Variants in SPIDR observed in about 807,000 individuals in gnomAD.
SPIDR encodes DNA repair-scaffolding protein.
Under a neutral mutation model 104.6 loss-of-function variants are expected in SPIDR, and 93 were observed. The ratio of observed to expected loss-of-function variants is 0.89; its 90% CI spans 0.75 to 1.06. The LOEUF (loss-of-function observed/expected upper bound fraction) is 1.06. Among genes scored for constraint, SPIDR ranks in the 50% least tolerant of loss-of-function variants. The pLI is 0.00. For missense variants in SPIDR, 1,154 were observed against 1,111.2 expected (o/e 1.04, Z -0.55); for synonymous variants, 431 against 416.9 (o/e 1.03, Z -0.41).
chr8:47,479,797 T>G (rs2076691046), intron 8 of SPIDR, among the ~76,000 whole-genome samples: 1 of 152,236 alleles, frequency 6.6e-6, no homozygotes, highest in South Asian at 2.1e-4. Flanking sequence ...GAAGTAAGGC[T>G]TATCAGTTTT....
intron 8 of SPIDR, among the ~76,000 whole-genome samples, chr8:47,568,222 C>T (rs2058122550): frequency 6.6e-6 from 1 of 152,150 alleles, no homozygotes; most frequent in Non-Finnish European, 1.5e-5. Flanking sequence ...AACCATTCCT[C>T]ATCTCTTTGA....
intron 8 of SPIDR, among the ~76,000 whole-genome samples, chr8:47,490,498 A>G (rs1441580521): frequency 6.6e-5 from 10 of 152,220 alleles, no homozygotes; most frequent in Admixed American, 1.3e-4. Flanking sequence ...ATTACTGGGT[A>G]TATACCGAAA....
intron 8 of SPIDR, chr8:47,511,278 G>A (rs12544329): frequency 0.56 from 839,044 of 1,496,248 alleles, 248,605 homozygotes; most frequent in East Asian, 0.66. Flanking sequence ...CTGATTCGAC[G>A]ATTAAGATGG....
At chr8:47,590,073 C>T (rs1412916770) in intron 8 of SPIDR, among the ~76,000 whole-genome samples, 1 of 151,464 alleles carries the variant, frequency 6.6e-6, no homozygotes, top group East Asian at 1.9e-4. Flanking sequence ...ACTCAGGAGG[C>T]TGAGGCAGGA....
intron 5 of SPIDR, among the ~76,000 whole-genome samples, chr8:47,304,715 T>C (rs1554580492): frequency 2.6e-5 from 4 of 152,192 alleles, no homozygotes; most frequent in Non-Finnish European, 4.4e-5. Flanking sequence ...CCTGCAGAAC[T>C]GTGAGCCAGT....
rs577389377 is a variant in SPIDR at position 47,359,415 on chromosome 8, G to C, written c.526-36961G>C. Among the ~76,000 whole-genome samples, 3 of 152,252 alleles carry C rather than the reference G, an allele frequency of 2.0e-5. No individual in the cohort carries two copies. In the East Asian group the frequency reaches 5.8e-4, roughly 29 times the overall value. On this transcript the variant is annotated intron_variant, in intron 5 of 19. Transcript: ENST00000297423. ...TGTTTAGGAGTCCTGGGTCCCCTTTGTGTGTCAGAGCATGCAAAGGAACCT... is the reference window on the plus strand; with the variant it reads ...TGTTTAGGAGTCCTGGGTCCCCTTTCTGTGTCAGAGCATGCAAAGGAACCT...
chr8:47,452,300 G>A (rs1223457719), intron 8 of SPIDR, among the ~76,000 whole-genome samples: 1 of 151,938 alleles, frequency 6.6e-6, no homozygotes, highest in Non-Finnish European at 1.5e-5. Flanking sequence ...AAACTATGGG[G>A]GCCAGAAAGC....
chr8:47,466,934 TAG>T (rs1364540888), intron 8 of SPIDR, among the ~76,000 whole-genome samples: 1 of 138,294 alleles, frequency 7.2e-6, no homozygotes, highest in African/African-American at 2.7e-5. Flanking sequence ...GATAGATAGA[TAG>T]ATAGATAGAT....
At chr8:47,702,467 T>C (rs912636436) in intron 14 of SPIDR, among the ~76,000 whole-genome samples, 1 of 152,124 alleles carries the variant, frequency 6.6e-6, no homozygotes, top group African/African-American at 2.4e-5. Flanking sequence ...CTGGGAACTT[T>C]TAGAGCCTTC....
chr8:47,317,414 C>A (rs2045586311), intron 5 of SPIDR, among the ~76,000 whole-genome samples: 1 of 152,124 alleles, frequency 6.6e-6, no homozygotes, highest in Admixed American at 6.5e-5. Context: ...GAGGGGCGCC[C>A]ACCATTGCCA....
chr8:47,696,351 A>G (rs2079335241), intron 11 of SPIDR, among the ~76,000 whole-genome samples: 2 of 152,346 alleles, frequency 1.3e-5, no homozygotes, highest in Admixed American at 1.3e-4. Context: ...CATTCTAAGA[A>G]GTTAACTTTG....
rs529598052 is a variant in SPIDR at position 47,673,652 on chromosome 8, T to TC, written c.1545-143dup. Reference sequence around the variant, plus strand: ...GACTACAGTGGATTTCTTTTTTTTTTCCCCCCTTGGTTTTTCTTTACTTTC... The same window carrying TC: ...GACTACAGTGGATTTCTTTTTTTTTTCCCCCCCTTGGTTTTTCTTTACTTTC... On this transcript the variant is annotated intron_variant, in intron 10 of 19. Coordinates refer to ENST00000297423, the MANE Select transcript of SPIDR (RefSeq NM_001080394.4). The TC allele has an allele frequency of 8.0e-4, 823 of 1,029,420 alleles. 7 individuals are homozygous for TC. The East Asian group carries it at 0.013, about 17-fold the overall frequency. The allele number at this position is 1,029,420 out of a possible 1,614,324, so 63.8% of individuals were successfully genotyped here.
At chr8:47,600,670 T>C (rs1382543597) in intron 10 of SPIDR, among the ~76,000 whole-genome samples, 4 of 152,226 alleles carry the variant, frequency 2.6e-5, no homozygotes, top group Non-Finnish European at 5.9e-5. Context: ...TAAATTTATA[T>C]AGAATTTTCC....
rs563141562 is a variant in SPIDR at position 47,692,852 on chromosome 8, TG to T, written c.1686-7548del. On this transcript the variant is annotated intron_variant, in intron 11 of 19. Coordinates refer to ENST00000297423, the MANE Select transcript of SPIDR (RefSeq NM_001080394.4). ...GGACATTTGGGTTGTTTCTACTTTC[TG>T]GGTACCTTGAATAATCCTGCTGCAA... Among the ~76,000 whole-genome samples, 4 of 152,376 alleles carry T rather than the reference TG, an allele frequency of 2.6e-5. No homozygotes were observed. The South Asian group carries it at 8.3e-4, about 32-fold the overall frequency.
chr8:47,391,172 A>G (rs1554651762), intron 5 of SPIDR, among the ~76,000 whole-genome samples: 2 of 152,130 alleles, frequency 1.3e-5, no homozygotes, highest in African/African-American at 2.4e-5. Flanking sequence ...ATTCTAAAAT[A>G]CCATATGCTA....
intron 8 of SPIDR, among the ~76,000 whole-genome samples, chr8:47,469,508 G>A (rs1005167304): frequency 6.6e-6 from 1 of 152,032 alleles, no homozygotes; most frequent in African/African-American, 2.4e-5. Flanking sequence ...AGAAAATGTG[G>A]TGTGTATATA....
At chr8:47,261,779 C>T (rs1434530651) in intron 1 of SPIDR, among the ~76,000 whole-genome samples, 1 of 152,142 alleles carries the variant, frequency 6.6e-6, no homozygotes, top group African/African-American at 2.4e-5. Flanking sequence ...TTCTCAAATA[C>T]CATTGATTAT....
intron 3 of SPIDR, among the ~76,000 whole-genome samples, 169 bp downstream of exon 3, chr8:47,284,263 G>C (rs1374082118): frequency 6.6e-6 from 1 of 152,152 alleles, no homozygotes; most frequent in African/African-American, 2.4e-5. Flanking sequence ...AACTTTGTCT[G>C]TCATCGCTGT....
intron 8 of SPIDR, among the ~76,000 whole-genome samples, chr8:47,489,367 G>C (rs950661824): frequency 6.6e-6 from 1 of 152,144 alleles, no homozygotes; most frequent in Non-Finnish European, 1.5e-5. Flanking sequence ...ACAAACAAAT[G>C]GAAGAACATT....
Sources: gnomAD v4.1 joint callset for allele counts (sites outside exome capture counted in the v4.1 genomes callset) on GRCh38, gnomAD v4.1.1 for gene constraint, MANE v1.5 for transcripts, NCBI Gene and HGNC (gene_info 2026-07-23, HGNC 2026-07-21) for gene names.